PLXNA4: variants seen among roughly 807,000 people sequenced by gnomAD.
The protein encoded by PLXNA4 is plexin-A4.
PLXNA4 carries 44 observed loss-of-function variants against 191.8 expected under a neutral mutation model. The ratio of observed to expected loss-of-function variants is 0.23; its 90% confidence interval spans 0.18 to 0.29. The LOEUF is 0.29. Among genes scored for constraint, PLXNA4 ranks in the 10% least tolerant of loss-of-function variants. The probability of loss-of-function intolerance (pLI) is 1.00; values close to 1 mark genes in which losing one functional copy is unlikely to be tolerated. For missense variants in PLXNA4, 1,800 were observed against 2,488.8 expected, an observed-to-expected ratio of 0.72 and a Z score of 5.89; for synonymous variants, 1,082 against 1,009.5, an observed-to-expected ratio of 1.07 and a Z score of -1.36.
In PLXNA4 at chr7:132,164,130, G is replaced by A. The variant is rs1214880703; in HGVS notation, c.4500+12C>T. The A allele has an allele frequency of 1.2e-6, 2 of 1,613,514 alleles. No homozygotes were observed. The highest frequency in any genetic ancestry group is 2.2e-5 in the East Asian group (1 of 44,874). On this transcript the variant is annotated intron_variant, in intron 24 of 31. Coordinates refer to ENST00000321063, the MANE Select transcript of PLXNA4 (RefSeq NM_020911.2). Reference sequence around the variant, plus strand: ...TGTCAAAGCCCCAGGGGAAACAGATGGGTGGGCTCACCAGGGTTTTGTAGT... The same window carrying A: ...TGTCAAAGCCCCAGGGGAAACAGATAGGTGGGCTCACCAGGGTTTTGTAGT...
rs115811255 is a variant in PLXNA4 at position 132,130,842 on chromosome 7, C to T, written c.5590-268G>A. ...TGAATGACTGTGTGCATTCTACTGG[C>T]TACAAAAGATGGTAGACAGAGGGCA... is the stretch of plus-strand genomic sequence containing the variant. On this transcript the variant is annotated intron_variant, in intron 31 of 31. Transcript: ENST00000321063. 2.0e-3 allele frequency among the ~76,000 whole-genome samples: 310 copies of T among 152,262 alleles called. 2 individuals carry two copies. The highest frequency in any genetic ancestry group is 7.0e-3 in the African/African-American group (293 of 41,572).
At chr7:132,176,974 T>A (rs3734995) in intron 20 of PLXNA4, among the ~76,000 whole-genome samples, 39,299 of 151,878 alleles carry the variant, frequency 0.26, 5,922 homozygotes, top group African/African-American at 0.41. Context: ...AGTGTATGAG[T>A]GTGCATGCAT....
intron 10 of PLXNA4, among the ~76,000 whole-genome samples, chr7:132,203,973 T>A (rs1384051429): frequency 6.6e-6 from 1 of 151,766 alleles, no homozygotes; most frequent in East Asian, 1.9e-4. Context: ...ATGAAGGAGC[T>A]ACACCCTAGG....
Position 132,629,854 on chromosome 7 carries a change from T to G in PLXNA4, c.-87+16074A>C, listed in dbSNP as rs144372668. The stretch of plus-strand genomic sequence containing the variant: ...AGAGACAGTGTTCTCTAGTGTCTCT[T>G]CTCTTTTTTTTTTGAGACAGAGTCT... On this transcript the variant is annotated intron_variant, in intron 2 of 4. Transcript: ENST00000378539. 5.6e-3 allele frequency among the ~76,000 whole-genome samples: 827 copies of G among 148,272 alleles called. 7 individuals are homozygous for G. Among genetic ancestry groups the G allele is most frequent in the Middle Eastern group, 0.028 (8 of 288 alleles).
At chr7:132,513,324 T>C (rs1798805783) in intron 1 of PLXNA4, among the ~76,000 whole-genome samples, 1 of 152,262 alleles carries the variant, frequency 6.6e-6, no homozygotes, top group Non-Finnish European at 1.5e-5. Flanking sequence ...TCATGGATAT[T>C]ACCTTGTTCT....
intron 14 of PLXNA4, among the ~76,000 whole-genome samples, chr7:132,193,380 A>G (rs187642708): frequency 1.3e-5 from 2 of 152,316 alleles, no homozygotes; most frequent in East Asian, 3.9e-4. Flanking sequence ...CAAGGAGTCA[A>G]ATAAATGACT....
chr7:132,147,847 C>A, intron 27 of PLXNA4, 53 bp downstream of exon 27: 1 of 1,611,424 alleles, frequency 6.2e-7, no homozygotes, highest in Non-Finnish European at 8.5e-7. Context: ...GCTGTCATGA[C>A]AACAGCTGCT....
intron 3 of PLXNA4, among the ~76,000 whole-genome samples, chr7:132,300,107 G>GT (rs1397215972): frequency 2.6e-5 from 4 of 152,166 alleles, no homozygotes; most frequent in African/African-American, 7.2e-5. Context: ...TAATACAAAG[G>GT]TTTTTTGCAA....
At chr7:132,404,505 C>T (rs1794129057) in intron 3 of PLXNA4, among the ~76,000 whole-genome samples, 1 of 152,142 alleles carries the variant, frequency 6.6e-6, no homozygotes, top group Non-Finnish European at 1.5e-5. Flanking sequence ...ACAGGATGGC[C>T]ACACAACCAA....
intron 4 of PLXNA4, among the ~76,000 whole-genome samples, chr7:132,284,454 G>GA (rs1800607086): frequency 6.6e-6 from 1 of 152,166 alleles, no homozygotes; most frequent in Admixed American, 6.5e-5. Context: ...CCAGCCTGTG[G>GA]ATTAAAAGGG....
intron 5 of PLXNA4, among the ~76,000 whole-genome samples, chr7:132,234,892 A>G (rs1288313778): frequency 6.6e-6 from 1 of 152,142 alleles, no homozygotes; most frequent in Non-Finnish European, 1.5e-5. Context: ...GGCCTTGTGC[A>G]AGCAGCCCTA....
In PLXNA4 at chr7:132,640,518, C is replaced by T. The variant is rs541034995; in HGVS notation, c.-87+5410G>A. Among the ~76,000 whole-genome samples, 14 of 152,146 alleles carry T rather than the reference C, an allele frequency of 9.2e-5. No homozygotes were observed. The East Asian group carries it at 2.7e-3, about 29-fold the overall frequency. On this transcript the variant is annotated intron_variant, in intron 2 of 4. Coordinates refer to the PLXNA4 transcript ENST00000378539. Reference sequence around the variant, plus strand: ...CCAGAGCTTGCTATCTCTGCATGTACAAAGAAAAGGGGTTATGAGAGCACA... The same window carrying T: ...CCAGAGCTTGCTATCTCTGCATGTATAAAGAAAAGGGGTTATGAGAGCACA...
At chr7:132,470,215 A>T (rs1259766292) in intron 3 of PLXNA4, among the ~76,000 whole-genome samples, 2 of 152,220 alleles carry the variant, frequency 1.3e-5, no homozygotes, top group African/African-American at 4.8e-5. Flanking sequence ...TCCAAGAGGG[A>T]GAGCTGACAG....
intron 2 of PLXNA4, among the ~76,000 whole-genome samples, chr7:132,594,601 A>G (rs879848358): frequency 3.3e-5 from 5 of 152,204 alleles, no homozygotes; most frequent in South Asian, 2.1e-4. Flanking sequence ...GTGGCAGCAC[A>G]CTTTGAAAAC....
intron 4 of PLXNA4, among the ~76,000 whole-genome samples, chr7:132,256,975 C>T (rs980927104): frequency 3.3e-5 from 5 of 152,204 alleles, no homozygotes; most frequent in Non-Finnish European, 5.9e-5. Context: ...TGCCTATGAC[C>T]ACATTCTGGT....
chr7:132,184,608 AG>A lies in PLXNA4; in HGVS notation c.3158+690del, dbSNP rs1796816244. On this transcript the variant is annotated intron_variant, in intron 16 of 31. Transcript: ENST00000321063. ...TGAATCACTGAATAGGCAGAGGCCC[AG>A]GAAGAGTACCAATTTGCCCAAGGTA... Among the ~76,000 whole-genome samples the A allele has an allele frequency of 2.0e-5, 3 of 152,208 alleles. No homozygotes were observed. The South Asian group carries it at 6.2e-4, about 31-fold the overall frequency.
chr7:132,222,260 C>T (rs1186078676), intron 9 of PLXNA4, among the ~76,000 whole-genome samples: 2 of 152,206 alleles, frequency 1.3e-5, no homozygotes, highest in Non-Finnish European at 2.9e-5. Context: ...TGGCTAAGCA[C>T]AGTGCAGTCA....
At chr7:132,425,265 C>T (rs568550907) in intron 3 of PLXNA4, among the ~76,000 whole-genome samples, 1 of 152,150 alleles carries the variant, frequency 6.6e-6, no homozygotes, top group East Asian at 1.9e-4. Context: ...TGGAGAAATA[C>T]ACCTAATTAG....
intron 3 of PLXNA4, among the ~76,000 whole-genome samples, chr7:132,356,901 G>A (rs1803730440): frequency 6.6e-6 from 1 of 152,164 alleles, no homozygotes; most frequent in Admixed American, 6.5e-5. Context: ...ACATGTATTA[G>A]AGAGTCAAAA....
Sources: gnomAD v4.1 joint callset for allele counts (sites outside exome capture counted in the v4.1 genomes callset) on GRCh38, gnomAD v4.1.1 for gene constraint, MANE v1.5 for transcripts, NCBI Gene and HGNC (gene_info 2026-07-23, HGNC 2026-07-21) for gene names.